SPMIP2: variants seen among roughly 807,000 people sequenced by gnomAD.
The protein encoded by SPMIP2 is protein SPMIP2.
At chr4:159,019,908 C>A in the SPMIP2 span, among the ~76,000 whole-genome samples, 10 of 152,096 alleles carry the variant, frequency 6.6e-5, no homozygotes, top group Admixed American at 4.6e-4. Flanking sequence ...ATTTGTAAAT[C>A]TTTCACCTAG....
the SPMIP2 span, among the ~76,000 whole-genome samples, chr4:158,921,016 CTCTT>C: frequency 6.6e-6 from 1 of 152,358 alleles, no homozygotes; most frequent in East Asian, 1.9e-4. Context: ...TATACTCTTT[CTCTT>C]TATTTCTTAG....
chr4:158,926,045 TGTG>T, the SPMIP2 span, among the ~76,000 whole-genome samples: 2 of 152,202 alleles, frequency 1.3e-5, no homozygotes, highest in Non-Finnish European at 1.5e-5. Flanking sequence ...GCCATCATCT[TGTG>T]GTTGAGGACT....
chr4:159,023,733 C>T, the SPMIP2 span, among the ~76,000 whole-genome samples: 6 of 152,130 alleles, frequency 3.9e-5, no homozygotes, highest in Non-Finnish European at 7.3e-5. Context: ...CAGTAACCAC[C>T]CTTGCCCCCA....
At chr4:159,024,781 CA>C in the SPMIP2 span, among the ~76,000 whole-genome samples, 1 of 152,056 alleles carries the variant, frequency 6.6e-6, no homozygotes, top group African/African-American at 2.4e-5. Context: ...ATCAGGTTTA[CA>C]AGAAAATCCA....
At chr4:158,981,799 T>A in the SPMIP2 span, among the ~76,000 whole-genome samples, 4 of 51,194 alleles carry the variant, frequency 7.8e-5, no homozygotes, top group East Asian at 5.8e-4. Flanking sequence ...CTGCATCAAC[T>A]AATGGGCAAA....
At chr4:158,893,623 T>C in the SPMIP2 span, 1 of 1,272,832 alleles carries the variant, frequency 7.9e-7, no homozygotes, top group Admixed American at 2.0e-5. Context: ...ACTTGTGGAT[T>C]ATTATGATCT....
At chr4:159,021,616 T>A in the SPMIP2 span, among the ~76,000 whole-genome samples, 1 of 152,348 alleles carries the variant, frequency 6.6e-6, no homozygotes, top group Non-Finnish European at 1.5e-5. Flanking sequence ...AGAAGTAGAA[T>A]CAATACAATG....
At chr4:159,075,481 A>G in the SPMIP2 span, among the ~76,000 whole-genome samples, 1 of 152,216 alleles carries the variant, frequency 6.6e-6, no homozygotes, top group Admixed American at 6.5e-5. Flanking sequence ...TTGTGTTTCT[A>G]TAATGATGAG....
At chr4:159,007,764 T>G in the SPMIP2 span, 4 of 598,610 alleles carry the variant, frequency 6.7e-6, no homozygotes, top group South Asian at 5.5e-5. Flanking sequence ...CGCTGAGGTT[T>G]AACATATCAG....
At chr4:159,009,172 A>G in the SPMIP2 span, among the ~76,000 whole-genome samples, 7 of 152,250 alleles carry the variant, frequency 4.6e-5, no homozygotes, top group Non-Finnish European at 1.0e-4. Flanking sequence ...ACACCACTCA[A>G]ATAAATACTT....
chr4:159,034,648 T>C, the SPMIP2 span, among the ~76,000 whole-genome samples: 1 of 152,172 alleles, frequency 6.6e-6, no homozygotes, highest in Non-Finnish European at 1.5e-5. Flanking sequence ...CCCAGCACTT[T>C]GGGAGGCCTA....
the SPMIP2 span, among the ~76,000 whole-genome samples, chr4:158,975,013 A>G: frequency 1.4e-4 from 22 of 152,188 alleles, no homozygotes; most frequent in African/African-American, 5.3e-4. Context: ...CTGGTGTGAT[A>G]TGGTATCTTA....
the SPMIP2 span, among the ~76,000 whole-genome samples, chr4:158,930,709 C>T: frequency 6.6e-6 from 1 of 152,084 alleles, no homozygotes; most frequent in Non-Finnish European, 1.5e-5. Flanking sequence ...ATTGCCCAGG[C>T]TGTTCTCAAA....
the SPMIP2 span, among the ~76,000 whole-genome samples, chr4:158,936,109 C>T: frequency 4.6e-5 from 7 of 152,322 alleles, no homozygotes; most frequent in South Asian, 4.1e-4. Context: ...CAGTCTTGCC[C>T]AGAAACAAAC....
At chr4:159,016,281 T>C in the SPMIP2 span, among the ~76,000 whole-genome samples, 5 of 152,282 alleles carry the variant, frequency 3.3e-5, no homozygotes, top group South Asian at 1.0e-3. Flanking sequence ...TATTAAAAAC[T>C]TCATAGTTTT....
At chr4:158,996,907 T>G in the SPMIP2 span, among the ~76,000 whole-genome samples, 1 of 152,218 alleles carries the variant, frequency 6.6e-6, no homozygotes, top group East Asian at 1.9e-4. Context: ...GGAATTTCGA[T>G]GACTGGCTTG....
chr4:159,071,846 T>A, the SPMIP2 span, among the ~76,000 whole-genome samples: 1 of 152,294 alleles, frequency 6.6e-6, no homozygotes, highest in Middle Eastern at 3.4e-3. Flanking sequence ...GGAATTTGAC[T>A]GCTTTCCCAC....
the SPMIP2 span, among the ~76,000 whole-genome samples, chr4:159,080,113 G>A: frequency 1.3e-5 from 2 of 152,160 alleles, no homozygotes; most frequent in African/African-American, 4.8e-5. Context: ...ATGTCTTGAT[G>A]TACAAAGTGA....
the SPMIP2 span, among the ~76,000 whole-genome samples, chr4:159,066,611 ATATATATATAG>A: frequency 8.3e-3 from 424 of 51,208 alleles, 1 homozygote; most frequent in African/African-American, 0.023. Context: ...ATATATATAT[ATATATATATAG>A]TATTAAAGGG....
Sources: allele counts gnomAD v4.1 joint callset (sites outside exome capture counted in the v4.1 genomes callset), GRCh38; gene constraint gnomAD v4.1.1; transcripts MANE v1.5; gene names NCBI Gene and HGNC (gene_info 2026-07-23, HGNC 2026-07-21).